OSBPL3: variants seen among roughly 807,000 people sequenced by gnomAD.
OSBPL3 encodes oxysterol binding protein like 3.
Under a neutral mutation model 120.1 loss-of-function variants are expected in OSBPL3, and 65 were observed. The ratio of observed to expected loss-of-function variants is 0.54; its 90% CI spans 0.44 to 0.67. The LOEUF is 0.67. Ranked by LOEUF, OSBPL3 falls within the 30% of genes least tolerant of loss-of-function variation. The pLI is 0.00. For missense variants in OSBPL3, 1,004 were observed against 1,082.1 expected (o/e 0.93, Z 1.01); for synonymous variants, 416 against 402.6 (o/e 1.03, Z -0.40).
chr7:24,858,095 A>G (rs1190367783), intron 10 of OSBPL3, among the ~76,000 whole-genome samples: 1 of 152,234 alleles, frequency 6.6e-6, no homozygotes, highest in African/African-American at 2.4e-5. Flanking sequence ...CAACTGGTTC[A>G]ACAATATGCC....
At chr7:24,801,312 A>C (rs1470461290) in intron 22 of OSBPL3, among the ~76,000 whole-genome samples, 3 of 151,452 alleles carry the variant, frequency 2.0e-5, no homozygotes, top group Non-Finnish European at 4.4e-5. Flanking sequence ...CTGATTTTCT[A>C]TTCTTTGAAT....
In OSBPL3 at chr7:24,849,807, T is replaced by C. The variant is rs1231044103; in HGVS notation, c.1159-631A>G. On this transcript the variant is annotated intron_variant, in intron 11 of 22. Coordinates refer to ENST00000313367, the MANE Select transcript of OSBPL3 (RefSeq NM_015550.4). This position sits in a 1 kb window ranked among gnomAD's most constrained non-coding sequence, Gnocchi z 5.4. ...CATCTCTACCAAAAAATGCAAAAAT[T>C]AGTTGGGCATGGTGGCACACACCTG... Among the ~76,000 whole-genome samples the C allele has an allele frequency of 6.6e-6, 1 of 151,652 alleles. No individual in the cohort carries two copies. Among genetic ancestry groups the C allele is most frequent in the Non-Finnish European group, 1.5e-5 (1 of 67,920 alleles).
chr7:24,927,359 A>G (rs1304999777), intron 1 of OSBPL3, among the ~76,000 whole-genome samples: 1 of 152,206 alleles, frequency 6.6e-6, no homozygotes, highest in Non-Finnish European at 1.5e-5. Context: ...TTATTTTTAG[A>G]CTTTTTAGCA....
chr7:24,961,523 C>T (rs79203892), intron 1 of OSBPL3, among the ~76,000 whole-genome samples: 354 of 152,128 alleles, frequency 2.3e-3, no homozygotes, highest in African/African-American at 8.3e-3. Context: ...ATGGCATTAG[C>T]GCTCCCACAA....
At position 24,913,286 on chromosome 7, in the gene OSBPL3, G is replaced by A. The variant is rs1809096734; in HGVS notation, c.-149-20665C>T. On this transcript the variant is annotated intron_variant, in intron 1 of 22. Coordinates refer to ENST00000313367, the MANE Select transcript of OSBPL3 (RefSeq NM_015550.4). This position sits in a 1 kb window ranked among gnomAD's most constrained non-coding sequence, Gnocchi z 5.3. ...CTGCATTAGATCGCTGAAACCCCAG[G>A]CAGGAAGCCCTGGCAGACCTCCAGA... Among the ~76,000 whole-genome samples, 1 of 152,154 alleles carries A rather than the reference G, an allele frequency of 6.6e-6. No homozygotes were observed. Among genetic ancestry groups the A allele is most frequent in the Non-Finnish European group, 1.5e-5 (1 of 68,018 alleles).
In OSBPL3 at chr7:24,892,748, G is replaced by A. The variant is rs532135015; in HGVS notation, c.-149-127C>T. ...CTCACGATGTTTAGCTATAGCAGGC[G>A]CCGAGAAGGAAAAGAAGCTTTACAC... On this transcript the variant is annotated intron_variant, in intron 1 of 22. Transcript: ENST00000313367. 2.9e-4 allele frequency: 134 copies of A among 454,974 alleles called. 1 individual carries two copies. Among genetic ancestry groups the A allele is most frequent in the Non-Finnish European group, 3.9e-4 (120 of 309,900 alleles). The allele number at this position is 454,974 out of a possible 1,614,324, so 28.2% of individuals were successfully genotyped here.
In OSBPL3 at chr7:24,852,573, C is replaced by T. The variant is rs1347446812; in HGVS notation, c.1089G>A (p.Gln363=). 2 of 1,610,378 alleles carry T rather than the reference C, an allele frequency of 1.2e-6. No homozygotes were observed. The highest frequency in any genetic ancestry group is 2.2e-5 in the East Asian group (1 of 44,790). ...AGGAGGAGGCATCCTGCTCCATCAG[C>T]TGCTTCAGTTTCTCTCTCTCCGCTG... ...IMSAEREKLK[Q]LMEQDASSSP... is the part of the protein sequence containing the mutation. The change falls in exon 11 of 23, where the codon CAG becomes CAA. Residue 363 remains glutamine, a synonymous_variant. Coordinates refer to ENST00000313367, the MANE Select transcript of OSBPL3 (RefSeq NM_015550.4). The surrounding 1 kb of genome is among the most constrained non-coding windows in gnomAD (Gnocchi z 4.1).
chr7:24,799,699 AT>A lies in OSBPL3; in HGVS notation c.*483del, dbSNP rs1792073080. On this transcript the variant is annotated 3_prime_UTR_variant, in exon 23 of 23. Coordinates refer to ENST00000313367, the MANE Select transcript of OSBPL3 (RefSeq NM_015550.4). The surrounding 1 kb of genome is among the most constrained non-coding windows in gnomAD (Gnocchi z 5.3). ...CCAGCAGAATTGTTCTGTATGAGCA[AT>A]TCAAGAGCTGTCTGAGGCAAAAAGA... The A allele has an allele frequency of 6.5e-6, 1 of 152,780 alleles. No individual in the cohort carries two copies. Among genetic ancestry groups the A allele is most frequent in the African/African-American group, 2.4e-5 (1 of 41,468 alleles). 9.5% of individuals were successfully genotyped at this position (152,780 alleles called of 1,614,324 possible).
rs1255236043 is a variant in OSBPL3 at position 24,819,208 on chromosome 7, G to A, written c.1948+967C>T. Among the ~76,000 whole-genome samples the A allele has an allele frequency of 4.8e-5, 7 of 145,370 alleles. No individual in the cohort carries two copies. The highest frequency in any genetic ancestry group is 6.0e-5 in the Non-Finnish European group (4 of 67,160). On this transcript the variant is annotated intron_variant, in intron 17 of 22. Transcript: ENST00000313367. The surrounding 1 kb of genome is among the most constrained non-coding windows in gnomAD (Gnocchi z 4.1). ...ACGGAGGTTGCAGTGAGCCGAGATC[G>A]CACCACTGCACTCCAGCCTAGCAAC...
At chr7:24,911,834 T>A (rs534558341) in intron 1 of OSBPL3, among the ~76,000 whole-genome samples, 1 of 152,076 alleles carries the variant, frequency 6.6e-6, no homozygotes, top group African/African-American at 2.4e-5. Flanking sequence ...TTTAAACTAG[T>A]GCAAACTGGA....
rs59246208 is a variant in OSBPL3, at chr7:24,827,365, T to C, written c.1884+3403A>G. ...ATGTGTTAAATTAGAATAGACAGCATTGGGAGAGGGAAAGAGGGGTACTGA... is the reference window on the plus strand; with the variant it reads ...ATGTGTTAAATTAGAATAGACAGCACTGGGAGAGGGAAAGAGGGGTACTGA... On this transcript the variant is annotated intron_variant, in intron 16 of 22. Coordinates refer to ENST00000313367, the MANE Select transcript of OSBPL3 (RefSeq NM_015550.4). This position sits in a 1 kb window ranked among gnomAD's most constrained non-coding sequence, Gnocchi z 5.1. Among the ~76,000 whole-genome samples the C allele has an allele frequency of 0.011, 1,612 of 152,278 alleles. 29 individuals carry two copies. Among genetic ancestry groups the C allele is most frequent in the African/African-American group, 0.035 (1,467 of 41,550 alleles).
At chr7:24,887,383 C>T (rs899760443) in intron 2 of OSBPL3, among the ~76,000 whole-genome samples, 5 of 152,282 alleles carry the variant, frequency 3.3e-5, no homozygotes, top group South Asian at 4.1e-4. Context: ...TAGAGTGTCA[C>T]GGTTTTTGAA....
At position 24,830,628 on chromosome 7, in the gene OSBPL3, C is replaced by T. The variant is rs989164123; in HGVS notation, c.1884+140G>A. The T allele has an allele frequency of 3.5e-6, 3 of 854,450 alleles. No homozygotes were observed. The highest frequency in any genetic ancestry group is 1.7e-5 in the African/African-American group (1 of 57,692). 52.9% of individuals were successfully genotyped at this position (854,450 alleles called of 1,614,324 possible). On this transcript the variant is annotated intron_variant, in intron 16 of 22. Transcript: ENST00000313367. The surrounding 1 kb of genome is among the most constrained non-coding windows in gnomAD (Gnocchi z 4.4). ...GCTTCAGTGGAAGGGAAATCGATCC[C>T]TCCCTTTATGTTGAAAAGCACTGTA...
chr7:24,852,474 G>A lies in OSBPL3; in HGVS notation c.1158+30C>T. 1 of 1,525,168 alleles carries A rather than the reference G, an allele frequency of 6.6e-7. No homozygotes were observed. Among genetic ancestry groups the A allele is most frequent in the Non-Finnish European group, 8.8e-7 (1 of 1,141,954 alleles). The allele number at this position is 1,525,168 out of a possible 1,614,324, so 94.5% of individuals were successfully genotyped here. A position where few individuals can be genotyped will look rare whatever the true frequency, so the allele number is the denominator to read the frequency against. On this transcript the variant is annotated intron_variant, in intron 11 of 22. Transcript: ENST00000313367. The surrounding 1 kb of genome is among the most constrained non-coding windows in gnomAD (Gnocchi z 4.1). ...CATTCATGAGCCTGGACACATCTCA[G>A]GCATTCCTGGAGGCAGACATGTAAC... is the stretch of plus-strand genomic sequence containing the variant.
chr7:24,969,351 T>G (rs1027009920), intron 1 of OSBPL3, among the ~76,000 whole-genome samples: 2 of 152,242 alleles, frequency 1.3e-5, no homozygotes, highest in Non-Finnish European at 2.9e-5. Context: ...TACTGATTTG[T>G]TGGAGTTCTT....
chr7:24,980,349 C>A (rs953409856), upstream of OSBPL3, among the ~76,000 whole-genome samples: 3 of 151,704 alleles, frequency 2.0e-5, no homozygotes, highest in South Asian at 2.1e-4. Flanking sequence ...GCGATGTCCT[C>A]GGAAGAAGCC....
At chr7:24,840,573 C>T (rs1797619199) in intron 14 of OSBPL3, 117 bp downstream of exon 14, 2 of 476,772 alleles carry the variant, frequency 4.2e-6, no homozygotes, top group Non-Finnish European at 7.3e-6. Flanking sequence ...CATGGATTTT[C>T]ATCTGCATGG....
intron 5 of OSBPL3, among the ~76,000 whole-genome samples, chr7:24,868,325 GAAA>G (rs1373943961): frequency 9.0e-6 from 1 of 111,404 alleles, no homozygotes; most frequent in African/African-American, 3.4e-5. Context: ...TCAAAAAAAA[GAAA>G]AAAAAAAAAA....
intron 1 of OSBPL3, among the ~76,000 whole-genome samples, chr7:24,934,882 G>A (rs6952796): frequency 0.031 from 4,662 of 152,076 alleles, 92 homozygotes; most frequent in South Asian, 0.072. Context: ...TCTTTCTGGG[G>A]GACTTAATTA....
Sources: gnomAD v4.1 joint callset for allele counts (sites outside exome capture counted in the v4.1 genomes callset) on GRCh38, gnomAD v4.1.1 for gene constraint, Gnocchi (gnomAD v3.1) non-coding constraint, MANE v1.5 for transcripts, NCBI Gene and HGNC (gene_info 2026-07-23, HGNC 2026-07-21) for gene names.